CHRDL1: variants seen among roughly 807,000 people sequenced by gnomAD.
CHRDL1 encodes chordin-like protein 1.
A neutral mutation model predicts 40.9 loss-of-function variants in CHRDL1; 19 were observed. The observed-to-expected ratio is 0.46, with a 90% CI of 0.32 to 0.68. The LOEUF (loss-of-function observed/expected upper bound fraction) is 0.68. CHRDL1 is among the 30% of genes least tolerant of loss of function. The pLI is 0.03. For synonymous variants in CHRDL1, 136 were observed against 123.4 expected, an observed-to-expected ratio of 1.10 and a Z score of -0.68; for missense variants, 329 against 352.1, an observed-to-expected ratio of 0.93 and a Z score of 0.53.
Position 110,680,344 on chromosome X carries a change from C to T in CHRDL1, c.1157-919G>A, listed in dbSNP as rs1295280639. ...GAGTTAAAGATGGCAAATCAACACT[C>T]CAAGGCATAGACCAAAAATAAGCAT... On this transcript the variant is annotated intron_variant, in intron 10 of 11. Coordinates refer to ENST00000372042, the MANE Select transcript of CHRDL1 (RefSeq NM_001143981.2). Among the ~76,000 whole-genome samples the T allele has an allele frequency of 5.4e-5, 6 of 111,727 alleles. No homozygotes were observed. The Admixed American group carries it at 5.7e-4, about 11-fold the overall frequency.
chrX:110,782,403 T>G (rs1248918947), intron 2 of CHRDL1, among the ~76,000 whole-genome samples: 1 of 112,272 alleles, frequency 8.9e-6, no homozygotes. Context: ...AACCAAAGAC[T>G]ATAACCTTTA....
At chrX:110,751,501 T>C (rs944419428) in intron 4 of CHRDL1, among the ~76,000 whole-genome samples, 2 of 111,878 alleles carry the variant, frequency 1.8e-5, no homozygotes, top group Non-Finnish European at 3.8e-5. Flanking sequence ...GTCATATAAA[T>C]AGACAACAAG....
At chrX:110,745,387 C>A (rs934614259) in intron 4 of CHRDL1, among the ~76,000 whole-genome samples, 1 of 111,823 alleles carries the variant, frequency 8.9e-6, no homozygotes, top group East Asian at 2.8e-4. Flanking sequence ...TGTCTACCCA[C>A]AGGATGTACA....
At chrX:110,727,918 G>T (rs1042149679) in intron 4 of CHRDL1, among the ~76,000 whole-genome samples, 6 of 111,394 alleles carry the variant, frequency 5.4e-5, no homozygotes, top group Non-Finnish European at 7.6e-5. Flanking sequence ...GCTGAATATG[G>T]AAACAACTTC....
chrX:110,750,536 T>A (rs188160362), intron 4 of CHRDL1, among the ~76,000 whole-genome samples: 172 of 112,612 alleles, frequency 1.5e-3, no homozygotes, highest in African/African-American at 5.2e-3. Context: ...TCAAACTAAG[T>A]TAAAAACAGA....
At chrX:110,771,557 T>C (rs1318472823) in intron 2 of CHRDL1, among the ~76,000 whole-genome samples, 1 of 112,391 alleles carries the variant, frequency 8.9e-6, no homozygotes, top group Non-Finnish European at 1.9e-5. Flanking sequence ...TAATTCACCA[T>C]ATCAACAAAC....
chrX:110,694,734 T>C (rs780759177), intron 7 of CHRDL1, among the ~76,000 whole-genome samples: 3 of 112,236 alleles, frequency 2.7e-5, no homozygotes, highest in South Asian at 7.4e-4. Context: ...TAAGCAGTCC[T>C]GTGCAAATCA....
intron 4 of CHRDL1, among the ~76,000 whole-genome samples, chrX:110,723,237 C>T (rs1354548976): frequency 3.6e-5 from 4 of 110,632 alleles, no homozygotes; most frequent in Admixed American, 9.6e-5. Context: ...GGCGACAGAG[C>T]GAGACTCCAT....
At chrX:110,739,624 C>T (rs1318938064) in intron 4 of CHRDL1, among the ~76,000 whole-genome samples, 1 of 112,084 alleles carries the variant, frequency 8.9e-6, no homozygotes. Context: ...CCTCCACTCC[C>T]ACATTCATTG....
intron 8 of CHRDL1, among the ~76,000 whole-genome samples, chrX:110,689,967 C>T (rs775783149): frequency 4.7e-5 from 1 of 21,463 alleles, no homozygotes; most frequent in Non-Finnish European, 7.5e-5. Context: ...ATCTATATAT[C>T]TATATATATC....
At chrX:110,711,292 ATTT>A (rs1176707098) in intron 6 of CHRDL1, among the ~76,000 whole-genome samples, 2 of 111,330 alleles carry the variant, frequency 1.8e-5, no homozygotes, top group African/African-American at 6.5e-5. Flanking sequence ...GTTAATTTTA[ATTT>A]TTTTTATTTT....
chrX:110,792,076 C>T lies in CHRDL1; in HGVS notation c.94+12G>A, dbSNP rs1175321173. 9.6e-7 allele frequency: 1 copy of T among 1,044,845 alleles called. No homozygotes were observed. The highest frequency in any genetic ancestry group is 2.0e-5 in the South Asian group (1 of 49,957). The allele number at this position is 1,044,845 out of a possible 1,213,427, so 86.1% of individuals were successfully genotyped here. A position where few individuals can be genotyped will look rare whatever the true frequency, so the allele number is the denominator to read the frequency against. On this transcript the variant is annotated intron_variant, in intron 2 of 11. Transcript: ENST00000372042. ...TAAAAAGTGTATTATTTTCCAAATG[C>T]AAGACACTTACGTTTTACTTGCTCT... is the stretch of plus-strand genomic sequence containing the variant.
intron 4 of CHRDL1, among the ~76,000 whole-genome samples, chrX:110,754,816 C>A (rs1276543703): frequency 1.8e-5 from 2 of 110,533 alleles, no homozygotes; most frequent in Non-Finnish European, 3.8e-5. Flanking sequence ...CAGGAAAACC[C>A]AAATTTATTA....
intron 6 of CHRDL1, among the ~76,000 whole-genome samples, chrX:110,718,850 T>G (rs147997713): frequency 0.023 from 2,607 of 112,081 alleles, 75 homozygotes; most frequent in African/African-American, 0.079. Context: ...GAACATATCT[T>G]GGCTGCTATG....
At chrX:110,680,423 T>C (rs746696556) in intron 10 of CHRDL1, among the ~76,000 whole-genome samples, 9 of 111,878 alleles carry the variant, frequency 8.0e-5, no homozygotes, top group Non-Finnish European at 1.7e-4. Context: ...ATGCATTCTT[T>C]AGATAAAGGC....
At chrX:110,791,136 T>C (rs1163844379) in intron 2 of CHRDL1, among the ~76,000 whole-genome samples, 1 of 111,151 alleles carries the variant, frequency 9.0e-6, no homozygotes, top group Non-Finnish European at 1.9e-5. Flanking sequence ...GGGCTTCAGA[T>C]GCTGCTTCAG....
chrX:110,750,586 T>C (rs2448786), intron 4 of CHRDL1, among the ~76,000 whole-genome samples: 2 of 112,608 alleles, frequency 1.8e-5, no homozygotes, highest in Non-Finnish European at 3.8e-5. Context: ...ACTATGTTGA[T>C]TGCTTTTCCC....
chrX:110,686,898 T>G, intron 9 of CHRDL1, among the ~76,000 whole-genome samples: 1 of 91,005 alleles, frequency 1.1e-5, no homozygotes, highest in African/African-American at 4.3e-5. Context: ...AAACAAAAAA[T>G]AAAAAAAAAA....
intron 4 of CHRDL1, among the ~76,000 whole-genome samples, chrX:110,742,050 A>G (rs766714098): frequency 9.8e-5 from 11 of 112,369 alleles, no homozygotes; most frequent in Non-Finnish European, 1.9e-4. Context: ...AGATGAAAGG[A>G]TACTTTACTT....
Sources: allele counts gnomAD v4.1 joint callset (sites outside exome capture counted in the v4.1 genomes callset), GRCh38; gene constraint gnomAD v4.1.1; transcripts MANE v1.5; gene names NCBI Gene and HGNC (gene_info 2026-07-23, HGNC 2026-07-21).